The following KCND3 variants were observed in gnomAD, a reference collection of about 807,000 sequenced individuals.
KCND3 encodes potassium voltage-gated channel subfamily D member 3.
A neutral mutation model predicts 51.1 loss-of-function variants in KCND3; 9 were observed. The ratio of observed to expected loss-of-function variants is 0.18; its 90% confidence interval spans 0.11 to 0.31. KCND3 has a LOEUF of 0.31. KCND3 is among the 10% of genes least tolerant of loss of function. The pLI, the probability that KCND3 is intolerant of heterozygous loss-of-function variation, is 1.00. For synonymous variants in KCND3, 349 were observed against 368.0 expected (o/e 0.95, Z 0.59); for missense variants, 526 against 903.8 (o/e 0.58, Z 5.36).
At chr1:111,867,448 C>A (rs1003462137) in intron 2 of KCND3, among the ~76,000 whole-genome samples, 3 of 152,182 alleles carry the variant, frequency 2.0e-5, no homozygotes, top group African/African-American at 4.8e-5. Context: ...ATATGCAGAG[C>A]ACCCCAATCC....
At chr1:111,783,151 T>C (rs1049724923) in intron 3 of KCND3, among the ~76,000 whole-genome samples, 1 of 137,626 alleles carries the variant, frequency 7.3e-6, no homozygotes, top group South Asian at 2.2e-4. Flanking sequence ...TTAAGAACAA[T>C]GTGAGAGTTA....
chr1:111,848,610 C>T (rs1667668778), intron 2 of KCND3, among the ~76,000 whole-genome samples: 1 of 152,370 alleles, frequency 6.6e-6, no homozygotes. Flanking sequence ...AGGAGGGCTG[C>T]ACTCACAGAG....
rs546380459 is a variant in KCND3 at position 111,887,563 on chromosome 1, C to T, written c.1106+94058G>A. On this transcript the variant is annotated intron_variant, in intron 2 of 7. Coordinates refer to ENST00000302127, the MANE Select transcript of KCND3 (RefSeq NM_001378969.1). ...CAAGCTCCAAAAGGCAAATGACCCC[C>T]GGTCACTGCCTGGTTCCTCTATCAC... is the stretch of plus-strand genomic sequence containing the variant. Among the ~76,000 whole-genome samples the T allele has an allele frequency of 1.4e-4, 22 of 152,258 alleles. No individual in the cohort carries two copies. The South Asian group carries it at 3.9e-3, about 27-fold the overall frequency.
intron 2 of KCND3, among the ~76,000 whole-genome samples, chr1:111,964,484 G>GA (rs1314521087): frequency 6.6e-6 from 1 of 152,072 alleles, no homozygotes; most frequent in Non-Finnish European, 1.5e-5. Flanking sequence ...GCAGAGCCCT[G>GA]GTCAGTAACC....
intron 3 of KCND3, among the ~76,000 whole-genome samples, chr1:111,781,614 G>C (rs938864786): frequency 3.9e-5 from 6 of 152,104 alleles, no homozygotes; most frequent in African/African-American, 1.4e-4. Flanking sequence ...CTGCCTCCTG[G>C]GTTCAAGCAA....
intron 2 of KCND3, among the ~76,000 whole-genome samples, chr1:111,823,316 C>T (rs1030795976): frequency 2.0e-5 from 3 of 151,890 alleles, no homozygotes; most frequent in Admixed American, 6.6e-5. Flanking sequence ...TTTTTTTCAA[C>T]GGTTTCTCAC....
chr1:111,832,086 CCA>C (rs1217788402), intron 2 of KCND3, among the ~76,000 whole-genome samples: 3 of 152,290 alleles, frequency 2.0e-5, no homozygotes, highest in Non-Finnish European at 2.9e-5. Flanking sequence ...ATCCCATTAC[CCA>C]CACCACAGGT....
In KCND3 at chr1:111,823,210, C is replaced by T. The variant is rs570184320; in HGVS notation, c.1107-36104G>A. On this transcript the variant is annotated intron_variant, in intron 2 of 7. Transcript: ENST00000302127. ...GTGTGGGGTGGGGAGAGGTGTTCCA[C>T]AAATCGTGAGGTTCTTGGAGGAATC... is the stretch of plus-strand genomic sequence containing the variant. Among the ~76,000 whole-genome samples, 6 of 152,304 alleles carry T rather than the reference C, an allele frequency of 3.9e-5. No homozygotes were observed. In the East Asian group the frequency reaches 1.2e-3, roughly 29 times the overall value.
At chr1:111,975,553 T>C (rs1436691872) in intron 2 of KCND3, among the ~76,000 whole-genome samples, 1 of 152,202 alleles carries the variant, frequency 6.6e-6, no homozygotes, top group Non-Finnish European at 1.5e-5. Flanking sequence ...TGGATTATTG[T>C]GTTAGCTTCT....
Position 111,777,397 on chromosome 1 carries a change from G to A in KCND3, c.1519-124C>T, listed in dbSNP as rs1218389524. 4.2e-5 allele frequency: 43 copies of A among 1,016,948 alleles called. No homozygotes were observed. The East Asian group carries it at 1.0e-3, about 24-fold the overall frequency. The allele number at this position is 1,016,948 out of a possible 1,614,324, so 63.0% of individuals were successfully genotyped here. The stretch of plus-strand genomic sequence containing the variant: ...TGAAGGAAGGGCTCCCAGCTGCCCG[G>A]ATCACAGATAAGCATTCAGGAGGGG... On this transcript the variant is annotated intron_variant, in intron 6 of 7. Transcript: ENST00000302127.
At chr1:111,830,969 T>C (rs1452251672) in intron 2 of KCND3, among the ~76,000 whole-genome samples, 2 of 152,242 alleles carry the variant, frequency 1.3e-5, no homozygotes, top group African/African-American at 4.8e-5. Context: ...AACTAGACAA[T>C]GTGGAAAACA....
intron 2 of KCND3, among the ~76,000 whole-genome samples, chr1:111,868,554 T>TG (rs756344981): frequency 2.0e-5 from 3 of 152,230 alleles, no homozygotes; most frequent in Middle Eastern, 3.4e-3. Context: ...CCCATGGGCA[T>TG]GGGGGGGACT....
chr1:111,866,991 A>C (rs1668607571), intron 2 of KCND3, among the ~76,000 whole-genome samples: 1 of 152,118 alleles, frequency 6.6e-6, no homozygotes, highest in African/African-American at 2.4e-5. Flanking sequence ...AGGCTAATAA[A>C]AATATTTTTT....
intron 2 of KCND3, among the ~76,000 whole-genome samples, chr1:111,963,953 T>C (rs1673820303): frequency 1.3e-5 from 2 of 152,216 alleles, no homozygotes; most frequent in South Asian, 2.1e-4. Flanking sequence ...TGAGGCACCA[T>C]CTCAGGATTC....
At chr1:111,905,670 C>T (rs576342458) in intron 2 of KCND3, among the ~76,000 whole-genome samples, 1 of 152,240 alleles carries the variant, frequency 6.6e-6, no homozygotes, top group East Asian at 1.9e-4. Context: ...TTCTGGGAGT[C>T]GCGTATAAAA....
chr1:111,946,335 C>T (rs750967755), intron 2 of KCND3, among the ~76,000 whole-genome samples: 1 of 152,204 alleles, frequency 6.6e-6, no homozygotes, highest in Non-Finnish European at 1.5e-5. Context: ...AGGGGAAAGG[C>T]ATTCCATTCA....
chr1:111,908,848 G>A (rs1415862848), intron 2 of KCND3, among the ~76,000 whole-genome samples: 1 of 151,594 alleles, frequency 6.6e-6, no homozygotes, highest in African/African-American at 2.4e-5. Context: ...GAGAAGGAGG[G>A]GGGCAGACAA....
At chr1:111,812,586 T>A (rs1383483473) in intron 2 of KCND3, among the ~76,000 whole-genome samples, 13 of 152,228 alleles carry the variant, frequency 8.5e-5, no homozygotes. Flanking sequence ...CCTTTTACAT[T>A]TTTAATCTGT....
intron 2 of KCND3, among the ~76,000 whole-genome samples, chr1:111,930,512 C>A (rs1456069871): frequency 6.6e-6 from 1 of 152,168 alleles, no homozygotes; most frequent in South Asian, 2.1e-4. Flanking sequence ...AGCCAGCCAG[C>A]CCCTGGACCT....
Sources: gnomAD v4.1 joint callset for allele counts (sites outside exome capture counted in the v4.1 genomes callset) on GRCh38, gnomAD v4.1.1 for gene constraint, MANE v1.5 for transcripts, NCBI Gene and HGNC (gene_info 2026-07-23, HGNC 2026-07-21) for gene names.